Variants in SLC5A8 observed in about 807,000 individuals in gnomAD.
The protein encoded by SLC5A8 is solute carrier family 5 member 8.
Under a neutral mutation model 71.9 loss-of-function variants are expected in SLC5A8, and 55 were observed. The observed-to-expected ratio is 0.77, with a 90% confidence interval of 0.62 to 0.96. The LOEUF is 0.96. Among genes scored for constraint, SLC5A8 ranks in the 40% least tolerant of loss-of-function variants. SLC5A8 has a pLI of 0.00. For missense variants in SLC5A8, 701 were observed against 745.3 expected (o/e 0.94, Z 0.69); for synonymous variants, 307 against 276.1 (o/e 1.11, Z -1.11).
At chr12:101,201,824 T>C (rs1315569853) in intron 3 of SLC5A8, among the ~76,000 whole-genome samples, 3 of 152,170 alleles carry the variant, frequency 2.0e-5, no homozygotes, top group African/African-American at 7.2e-5. Context: ...TTCCTGGAGA[T>C]GGGCTCCAGG....
At chr12:101,176,707 T>C (rs1335679035) in intron 10 of SLC5A8, among the ~76,000 whole-genome samples, 2 of 151,868 alleles carry the variant, frequency 1.3e-5, no homozygotes, top group South Asian at 2.1e-4. Context: ...AAAGAATATC[T>C]CAAAGAAAAC....
At chr12:101,205,550 G>A (rs1348090023) in intron 1 of SLC5A8, among the ~76,000 whole-genome samples, 3 of 152,176 alleles carry the variant, frequency 2.0e-5, no homozygotes, top group Non-Finnish European at 4.4e-5. Context: ...AATCTTCATA[G>A]AGTAGAAAAG....
At chr12:101,207,020 G>T (rs1869706418) in intron 1 of SLC5A8, among the ~76,000 whole-genome samples, 1 of 152,206 alleles carries the variant, frequency 6.6e-6, no homozygotes, top group African/African-American at 2.4e-5. Context: ...ACACTGTACA[G>T]CATATTCTGT....
chr12:101,205,707 C>T (rs376629201), intron 1 of SLC5A8, among the ~76,000 whole-genome samples: 130 of 152,230 alleles, frequency 8.5e-4, no homozygotes, highest in African/African-American at 3.0e-3. Flanking sequence ...TGTGTATAAA[C>T]CCATGTTAGA....
rs1413524178 is a variant in SLC5A8 at position 101,204,580 on chromosome 12, A to C, written c.352-15T>G. 1.3e-6 allele frequency: 2 copies of C among 1,568,370 alleles called. No homozygotes were observed. The highest frequency in any genetic ancestry group is 1.7e-6 in the Non-Finnish European group (2 of 1,159,532). ...AGTTCTAAATACTGTTGCAAAAAAAAAAATTATGCGAATCCTCTGGATGCC... is the reference window on the plus strand; with the variant it reads ...AGTTCTAAATACTGTTGCAAAAAAACAAATTATGCGAATCCTCTGGATGCC... On this transcript the variant is annotated splice_polypyrimidine_tract_variant and intron_variant, in intron 1 of 14. Transcript: ENST00000536262.
chr12:101,157,600 C>T (rs1217978920), intron 14 of SLC5A8, among the ~76,000 whole-genome samples, 199 bp from the exon 15 acceptor site: 2 of 151,458 alleles, frequency 1.3e-5, no homozygotes, highest in African/African-American at 4.9e-5. Flanking sequence ...AAGATAGATA[C>T]AAAATAGCCC....
At chr12:101,187,592 A>C (rs1397729498) in intron 6 of SLC5A8, 77 bp from the exon 7 acceptor site, 1 of 1,441,222 alleles carries the variant, frequency 6.9e-7, no homozygotes, top group African/African-American at 1.4e-5. Flanking sequence ...TTACATGATC[A>C]AAAGAGACCT....
intron 13 of SLC5A8, among the ~76,000 whole-genome samples, chr12:101,159,030 C>T (rs903595009): frequency 5.3e-5 from 8 of 151,532 alleles, no homozygotes; most frequent in Non-Finnish European, 1.0e-4. Context: ...TTGTGTATCT[C>T]AAAGAGTGGT....
intron 11 of SLC5A8, among the ~76,000 whole-genome samples, chr12:101,167,186 G>A (rs1017744252): frequency 2.6e-5 from 4 of 152,082 alleles, no homozygotes; most frequent in Admixed American, 6.5e-5. Context: ...ATTTCATCAC[G>A]CAAAGAATCT....
intron 14 of SLC5A8, 61 bp downstream of exon 14, chr12:101,158,188 G>T: frequency 8.9e-7 from 1 of 1,127,902 alleles, no homozygotes; most frequent in Non-Finnish European, 1.3e-6. Flanking sequence ...GAACTAATTA[G>T]TGTTCTATCC....
At chr12:101,203,743 C>T (rs2137170510) in intron 2 of SLC5A8, among the ~76,000 whole-genome samples, 1 of 152,300 alleles carries the variant, frequency 6.6e-6, no homozygotes, top group East Asian at 1.9e-4. Flanking sequence ...CCCTAAAGTG[C>T]TTAACTGACA....
chr12:101,185,497 C>T (rs1868594526), intron 7 of SLC5A8, among the ~76,000 whole-genome samples: 2 of 152,194 alleles, frequency 1.3e-5, no homozygotes, highest in Non-Finnish European at 2.9e-5. Flanking sequence ...TATCTAGAAA[C>T]TGGCCTGCTT....
At chr12:101,175,845 G>A (rs991253142) in intron 10 of SLC5A8, among the ~76,000 whole-genome samples, 1 of 151,968 alleles carries the variant, frequency 6.6e-6, no homozygotes, top group African/African-American at 2.4e-5. Context: ...TCAGGTGAAG[G>A]AACACTAAAA....
In SLC5A8 at chr12:101,158,181, C is replaced by A. The variant is rs920952644; in HGVS notation, c.1710+68G>T. On this transcript the variant is annotated intron_variant, in intron 14 of 14. Transcript: ENST00000536262. ...CACTTTTCAAGAAAGAGGTTGAGAA[C>A]TAATTAGTGTTCTATCCAGGTAATA... 4 of 1,079,876 alleles carry A rather than the reference C, an allele frequency of 3.7e-6. No homozygotes were observed. The African/African-American group carries it at 6.4e-5, about 17-fold the overall frequency. 66.9% of individuals were successfully genotyped at this position (1,079,876 alleles called of 1,614,324 possible). A position where few individuals can be genotyped will look rare whatever the true frequency, so the allele number is the denominator to read the frequency against.
chr12:101,179,253 A>C (rs773828095), intron 10 of SLC5A8, among the ~76,000 whole-genome samples: 18 of 152,200 alleles, frequency 1.2e-4, no homozygotes, highest in Admixed American at 1.3e-4. Context: ...AGTTTCTTTT[A>C]AAAGTAGACA....
chr12:101,173,132 A>G (rs1241687894), intron 10 of SLC5A8, among the ~76,000 whole-genome samples: 6 of 152,204 alleles, frequency 3.9e-5, no homozygotes, highest in Non-Finnish European at 4.4e-5. Flanking sequence ...TGCCTGGATA[A>G]GCTCAACAGG....
At chr12:101,189,170 C>T (rs1868792626) in intron 6 of SLC5A8, among the ~76,000 whole-genome samples, 1 of 152,192 alleles carries the variant, frequency 6.6e-6, no homozygotes. Flanking sequence ...AGAAGAAGAG[C>T]TTGTCCACAA....
intron 13 of SLC5A8, among the ~76,000 whole-genome samples, chr12:101,160,880 C>T (rs977096692): frequency 1.3e-5 from 2 of 151,956 alleles, no homozygotes; most frequent in African/African-American, 2.4e-5. Context: ...TAGGAGTTCT[C>T]AGAGAGAGAA....
chr12:101,191,229 T>C (rs1026773851), intron 5 of SLC5A8, among the ~76,000 whole-genome samples: 1 of 152,212 alleles, frequency 6.6e-6, no homozygotes, highest in Admixed American at 6.5e-5. Context: ...ATCATGTACA[T>C]AAGTCCAAAA....
Sources: gnomAD v4.1 joint callset for allele counts (sites outside exome capture counted in the v4.1 genomes callset) on GRCh38, gnomAD v4.1.1 for gene constraint, MANE v1.5 for transcripts, NCBI Gene and HGNC (gene_info 2026-07-23, HGNC 2026-07-21) for gene names.